Variants in RANBP2 observed in about 807,000 individuals in gnomAD.
The protein encoded by RANBP2 is E3 SUMO-protein ligase RanBP2.
A neutral mutation model predicts 303.6 loss-of-function variants in RANBP2; 57 were observed. That is an observed-to-expected ratio of 0.19 (90% CI 0.15 to 0.23). The LOEUF is 0.23. RANBP2 is among the 10% of genes least tolerant of loss of function. RANBP2 has a pLI of 1.00. For synonymous variants in RANBP2, 1,167 were observed against 1,301.5 expected, an observed-to-expected ratio of 0.90 and a Z score of 2.23; for missense variants, 3,138 against 3,780.8, an observed-to-expected ratio of 0.83 and a Z score of 4.46.
chr2:109,170,750 T>C, the RANBP2 span, among the ~76,000 whole-genome samples: 1 of 152,216 alleles, frequency 6.6e-6, no homozygotes, highest in Non-Finnish European at 1.5e-5. Context: ...TGCCAGGCAC[T>C]GGGGCTCAAG....
chr2:109,591,400 G>C, the RANBP2 span, among the ~76,000 whole-genome samples: 5 of 152,168 alleles, frequency 3.3e-5, no homozygotes, highest in Non-Finnish European at 7.3e-5. Flanking sequence ...CAGGGAAAAA[G>C]AAACCAAGCA....
At chr2:108,813,267 A>AAAAAAG in the RANBP2 span, among the ~76,000 whole-genome samples, 7 of 150,842 alleles carry the variant, frequency 4.6e-5, no homozygotes, top group Non-Finnish European at 1.0e-4. Flanking sequence ...AAAAAAAAAA[A>AAAAAAG]AAAAAGAAAA....
chr2:109,695,546 C>T, the RANBP2 span, among the ~76,000 whole-genome samples: 1 of 152,292 alleles, frequency 6.6e-6, no homozygotes, highest in East Asian at 1.9e-4. Flanking sequence ...GGTGGTTCAG[C>T]TTGATTGATG....
At chr2:109,057,377 T>C in the RANBP2 span, among the ~76,000 whole-genome samples, 1 of 152,238 alleles carries the variant, frequency 6.6e-6, no homozygotes, top group Non-Finnish European at 1.5e-5. Flanking sequence ...TCTCAGATTA[T>C]TTCCAATGGG....
At chr2:109,103,600 C>G in the RANBP2 span, among the ~76,000 whole-genome samples, 1 of 152,032 alleles carries the variant, frequency 6.6e-6, no homozygotes, top group African/African-American at 2.4e-5. Context: ...TAAGATAAGG[C>G]GGCGGTTATG....
At chr2:109,733,015 G>T in the RANBP2 span, 2 of 580,018 alleles carry the variant, frequency 3.4e-6, no homozygotes, top group Non-Finnish European at 3.4e-6. Context: ...ATTATTGTAG[G>T]AGGGGTCTTC....
the RANBP2 span, among the ~76,000 whole-genome samples, chr2:108,815,051 T>TA: frequency 7.2e-5 from 11 of 152,238 alleles, no homozygotes; most frequent in African/African-American, 2.7e-4. Flanking sequence ...TAATAATACT[T>TA]AGTCTAATTA....
chr2:108,738,406 A>G (rs1373296955), intron 6 of RANBP2, among the ~76,000 whole-genome samples: 1 of 151,498 alleles, frequency 6.6e-6, no homozygotes, highest in Non-Finnish European at 1.5e-5. Flanking sequence ...TGATCCGTCT[A>G]CCTTGGCCTC....
chr2:109,000,978 C>T, the RANBP2 span, among the ~76,000 whole-genome samples: 1 of 152,284 alleles, frequency 6.6e-6, no homozygotes, highest in African/African-American at 2.4e-5. Flanking sequence ...GTTCCATGTG[C>T]TGTGAGCCTC....
At chr2:109,501,836 T>C in the RANBP2 span, 557 of 589,018 alleles carry the variant, frequency 9.5e-4, 1 homozygote, top group Non-Finnish European at 1.5e-3. Flanking sequence ...GTGGAGGTCG[T>C]GCCTTCTCCC....
the RANBP2 span, among the ~76,000 whole-genome samples, chr2:108,822,694 C>G: frequency 6.6e-6 from 1 of 152,162 alleles, no homozygotes; most frequent in Non-Finnish European, 1.5e-5. Flanking sequence ...CACTCTACAG[C>G]AACCATTGGG....
the RANBP2 span, among the ~76,000 whole-genome samples, chr2:108,918,105 G>C: frequency 6.6e-6 from 1 of 152,198 alleles, no homozygotes; most frequent in East Asian, 1.9e-4. Context: ...AAGGAAAAGA[G>C]AGCGGTCTGG....
chr2:108,734,666 A>T (rs1030418042), intron 4 of RANBP2, among the ~76,000 whole-genome samples: 4 of 151,944 alleles, frequency 2.6e-5, no homozygotes, highest in African/African-American at 4.8e-5. Flanking sequence ...CATGTGGTGG[A>T]GAAGTATATT....
the RANBP2 span, among the ~76,000 whole-genome samples, chr2:109,012,443 C>T: frequency 6.6e-6 from 1 of 152,284 alleles, no homozygotes; most frequent in African/African-American, 2.4e-5. Flanking sequence ...TCCTCCCACG[C>T]TCCTTTTCCC....
chr2:109,700,606 G>T, the RANBP2 span, among the ~76,000 whole-genome samples: 14 of 152,120 alleles, frequency 9.2e-5, no homozygotes, highest in Middle Eastern at 3.4e-3. Context: ...TGAATAGAAC[G>T]GGAGGCAGGT....
At chr2:109,118,958 A>T in the RANBP2 span, among the ~76,000 whole-genome samples, 1 of 152,166 alleles carries the variant, frequency 6.6e-6, no homozygotes, top group African/African-American at 2.4e-5. Context: ...TGGTGGTGTG[A>T]AACCAGGATG....
At chr2:109,634,777 A>G in the RANBP2 span, among the ~76,000 whole-genome samples, 4 of 151,682 alleles carry the variant, frequency 2.6e-5, no homozygotes, top group African/African-American at 9.7e-5. Flanking sequence ...GGCTTAGATT[A>G]GCATAAAGAT....
the RANBP2 span, among the ~76,000 whole-genome samples, chr2:108,821,329 G>A: frequency 1.3e-5 from 2 of 152,116 alleles, no homozygotes; most frequent in African/African-American, 4.8e-5. Flanking sequence ...TTGCACTCCA[G>A]CCTGGGCAAC....
At chr2:109,128,723 A>T in the RANBP2 span, 4 of 180,148 alleles carry the variant, frequency 2.2e-5, no homozygotes, top group Admixed American at 1.9e-4. Context: ...GGCAGTCGGG[A>T]TAACGCCGCC....
Sources: gnomAD v4.1 joint callset for allele counts (sites outside exome capture counted in the v4.1 genomes callset) on GRCh38, gnomAD v4.1.1 for gene constraint, MANE v1.5 for transcripts, NCBI Gene and HGNC (gene_info 2026-07-23, HGNC 2026-07-21) for gene names.